The following DENND2A variants were observed in gnomAD, a reference collection of about 807,000 sequenced individuals.
The protein encoded by DENND2A is DENN domain-containing protein 2A.
DENND2A carries 53 observed loss-of-function variants against 105.3 expected under a neutral mutation model. The observed-to-expected ratio is 0.50, with a 90% CI of 0.40 to 0.63. DENND2A has a LOEUF of 0.63. Ranked by LOEUF, DENND2A falls within the 30% of genes least tolerant of loss-of-function variation. DENND2A has a pLI of 0.00. For missense variants in DENND2A, 1,138 were observed against 1,279.6 expected, an observed-to-expected ratio of 0.89 and a Z score of 1.69; for synonymous variants, 522 against 508.4, an observed-to-expected ratio of 1.03 and a Z score of -0.36.
chr7:140,632,515 G>A (rs1337065050), intron 1 of DENND2A, among the ~76,000 whole-genome samples: 1 of 152,164 alleles, frequency 6.6e-6, no homozygotes, highest in Admixed American at 6.6e-5. Flanking sequence ...AGTTTGCAGG[G>A]ACAGTCCAGG....
At chr7:140,605,399 G>A (rs1563173843) in intron 2 of DENND2A, among the ~76,000 whole-genome samples, 1 of 152,288 alleles carries the variant, frequency 6.6e-6, no homozygotes. Flanking sequence ...TCAAACATAA[G>A]TAAAATACCT....
chr7:140,570,084 G>A (rs683691), intron 6 of DENND2A, among the ~76,000 whole-genome samples: 66,637 of 151,784 alleles, frequency 0.44, 15,050 homozygotes, highest in African/African-American at 0.52. Context: ...TAGTAGAGAC[G>A]GGGTTTCACC....
intron 12 of DENND2A, among the ~76,000 whole-genome samples, chr7:140,549,738 G>C (rs971701122): frequency 2.0e-5 from 3 of 152,164 alleles, no homozygotes; most frequent in African/African-American, 7.2e-5. Flanking sequence ...AACTCTATTT[G>C]TGGGTGTATA....
rs902438032 is a variant in DENND2A at position 140,559,274 on chromosome 7, G to A, written c.1889+434C>T. Among the ~76,000 whole-genome samples, 6 of 152,166 alleles carry A rather than the reference G, an allele frequency of 3.9e-5. No individual in the cohort carries two copies. Among genetic ancestry groups the A allele is most frequent in the Non-Finnish European group, 7.3e-5 (5 of 68,036 alleles). ...GCGGTACCCCTTAAAGACAGGACCC[G>A]CAGCCTACTGAGTTTGGCCAAATGC... is the stretch of plus-strand genomic sequence containing the variant. On this transcript the variant is annotated intron_variant, in intron 10 of 19. Coordinates refer to ENST00000496613, the MANE Select transcript of DENND2A (RefSeq NM_015689.5). This position sits in a 1 kb window ranked among gnomAD's most constrained non-coding sequence, Gnocchi z 4.1.
chr7:140,597,889 A>T (rs960162885), intron 3 of DENND2A, among the ~76,000 whole-genome samples: 13 of 152,174 alleles, frequency 8.5e-5, no homozygotes, highest in Non-Finnish European at 1.8e-4. Context: ...AGGATTTATT[A>T]TTGGAGATGG....
chr7:140,547,158 C>T (rs76109032), intron 12 of DENND2A, among the ~76,000 whole-genome samples: 2,922 of 152,290 alleles, frequency 0.019, 88 homozygotes, highest in African/African-American at 0.067. Context: ...TGTTGCAGCT[C>T]CTACTCAGGA....
intron 3 of DENND2A, among the ~76,000 whole-genome samples, chr7:140,590,227 T>C (rs1182014939): frequency 1.3e-5 from 2 of 151,840 alleles, no homozygotes; most frequent in Non-Finnish European, 2.9e-5. Context: ...TTGTCTCTAC[T>C]GAAAATACAA....
At chr7:140,600,329 G>A (rs1799437099) in intron 3 of DENND2A, among the ~76,000 whole-genome samples, 1 of 152,038 alleles carries the variant, frequency 6.6e-6, no homozygotes, top group Non-Finnish European at 1.5e-5. Flanking sequence ...GACATTTAAA[G>A]CCATGGGACT....
At chr7:140,619,111 C>T (rs1172573470) in intron 1 of DENND2A, among the ~76,000 whole-genome samples, 2 of 151,964 alleles carry the variant, frequency 1.3e-5, no homozygotes, top group Non-Finnish European at 2.9e-5. Context: ...TTATATATTT[C>T]TATACTTTGG....
rs375830921 is a variant in DENND2A, at chr7:140,601,995, C to T, written c.403G>A (p.Val135Met). The T allele has an allele frequency of 2.6e-5, 42 of 1,614,240 alleles. No homozygotes were observed. Among genetic ancestry groups the T allele is most frequent in the East Asian group, 2.5e-4 (11 of 44,870 alleles). ...GQDLSQPERE[V>M]DPSWGRGREP... ...CGGCCTCGGCCCCAGCTAGGATCCACTTCCCGTTCTGGCTGGCTTAGGTCT... is the reference window on the plus strand; with the variant it reads ...CGGCCTCGGCCCCAGCTAGGATCCATTTCCCGTTCTGGCTGGCTTAGGTCT... Residue 135 changes from valine (V) to methionine (M), a missense_variant, in exon 3 of 20, where the codon GTG (valine) becomes ATG (methionine). Coordinates refer to ENST00000496613, the MANE Select transcript of DENND2A (RefSeq NM_015689.5).
chr7:140,521,767 G>T, intron 18 of DENND2A, 88 bp downstream of exon 18: 1 of 1,566,858 alleles, frequency 6.4e-7, no homozygotes, highest in Non-Finnish European at 8.7e-7. Context: ...CTGTGCCCCT[G>T]CCCTGTGATC....
chr7:140,557,531 A>ATT lies in DENND2A; in HGVS notation c.1959+610_1959+611dup, dbSNP rs1156756617. Among the ~76,000 whole-genome samples the ATT allele has an allele frequency of 4.8e-4, 19 of 39,652 alleles. 1 individual carries two copies. Among genetic ancestry groups the ATT allele is most frequent in the Non-Finnish European group, 4.6e-4 (9 of 19,650 alleles). 26.0% of individuals were successfully genotyped at this position (39,652 alleles called of 152,430 possible). On this transcript the variant is annotated intron_variant, in intron 11 of 19. Transcript: ENST00000496613. ...TTAGTATATATATATATATATATAT[A>ATT]TTTTTTTTTTTTTTTTTTTTTTTTT... is the stretch of plus-strand genomic sequence containing the variant.
At chr7:140,570,125 C>A (rs1316040236) in intron 6 of DENND2A, among the ~76,000 whole-genome samples, 1 of 152,176 alleles carries the variant, frequency 6.6e-6, no homozygotes, top group Non-Finnish European at 1.5e-5. Flanking sequence ...GAACTCCTGA[C>A]CTCAGGTGAT....
chr7:140,636,817 G>A (rs943130395), intron 1 of DENND2A, among the ~76,000 whole-genome samples: 10 of 151,488 alleles, frequency 6.6e-5, no homozygotes, highest in African/African-American at 2.4e-4. Flanking sequence ...AGTCTCCCGA[G>A]TAGCTGGGAC....
chr7:140,556,778 T>C (rs988485933), intron 11 of DENND2A, among the ~76,000 whole-genome samples: 3 of 152,254 alleles, frequency 2.0e-5, no homozygotes, highest in African/African-American at 7.2e-5. Context: ...CCACGCATTA[T>C]ACTTGACCCT....
chr7:140,521,412 C>T (rs894508675), intron 18 of DENND2A, among the ~76,000 whole-genome samples: 1 of 151,940 alleles, frequency 6.6e-6, no homozygotes, highest in Admixed American at 6.6e-5. Flanking sequence ...GAGCTGGGAC[C>T]ACAGGCACAC....
chr7:140,595,850 G>A (rs1799262804), intron 3 of DENND2A, among the ~76,000 whole-genome samples: 1 of 151,776 alleles, frequency 6.6e-6, no homozygotes. Context: ...AGGATGCCAC[G>A]CGCTGACTTC....
chr7:140,632,283 G>C (rs949861671), intron 1 of DENND2A, among the ~76,000 whole-genome samples: 2 of 152,110 alleles, frequency 1.3e-5, no homozygotes, highest in African/African-American at 4.8e-5. Flanking sequence ...TCATTGAATG[G>C]GAGCAAGAAG....
chr7:140,561,931 C>A (rs926890023), intron 9 of DENND2A, among the ~76,000 whole-genome samples: 4 of 151,700 alleles, frequency 2.6e-5, no homozygotes, highest in Admixed American at 6.6e-5. Flanking sequence ...GCTCTGTCAC[C>A]GAGGCTGGAG....
Sources: allele counts gnomAD v4.1 joint callset (sites outside exome capture counted in the v4.1 genomes callset), GRCh38; gene constraint gnomAD v4.1.1; non-coding constraint Gnocchi (gnomAD v3.1); transcripts MANE v1.5; gene names NCBI Gene and HGNC (gene_info 2026-07-23, HGNC 2026-07-21).